Variants in EYA2 observed in about 807,000 individuals in gnomAD.
The protein encoded by EYA2 is EYA transcriptional coactivator and phosphatase 2, also known as protein phosphatase EYA2.
In EYA2, 31 loss-of-function variants were observed where a neutral mutation model predicts 69.2. The observed-to-expected ratio is 0.45, with a 90% CI of 0.34 to 0.60. The LOEUF (loss-of-function observed/expected upper bound fraction) is 0.60, where lower values mean the gene tolerates loss of function less well. EYA2 is among the 20% of genes least tolerant of loss of function. The pLI is 0.02. For missense variants in EYA2, 622 were observed against 701.2 expected (o/e 0.89, Z 1.28); for synonymous variants, 257 against 279.4 (o/e 0.92, Z 0.80).
chr20:47,077,160 A>G (rs1236400558), intron 7 of EYA2, among the ~76,000 whole-genome samples: 1 of 152,230 alleles, frequency 6.6e-6, no homozygotes, highest in Non-Finnish European at 1.5e-5. Flanking sequence ...ACAATGGGTG[A>G]GCAAAAACAA....
chr20:47,047,036 T>C (rs1448836458), intron 5 of EYA2, among the ~76,000 whole-genome samples: 1 of 152,258 alleles, frequency 6.6e-6, no homozygotes, highest in Non-Finnish European at 1.5e-5. Context: ...GGCAACTTGC[T>C]CATTTTCTAA....
At position 47,122,710 on chromosome 20, in the gene EYA2, A is replaced by G. The variant is rs76167376; in HGVS notation, c.889-20349A>G. 7.9e-5 allele frequency among the ~76,000 whole-genome samples: 12 copies of G among 152,164 alleles called. No individual in the cohort carries two copies. In the East Asian group the frequency reaches 2.3e-3, roughly 29 times the overall value. ...GAGCAGAGGTCAGCAAACTACATCC[A>G]TCCTATGGGCCAAATCTGCTCCCTC... is the stretch of plus-strand genomic sequence containing the variant. On this transcript the variant is annotated intron_variant, in intron 9 of 15. Transcript: ENST00000327619.
Position 47,163,437 on chromosome 20 carries a change from G to A in EYA2, c.979-5702G>A, listed in dbSNP as rs544587971. On this transcript the variant is annotated intron_variant, in intron 10 of 15. Coordinates refer to ENST00000327619, the MANE Select transcript of EYA2 (RefSeq NM_005244.5). ...CTCCTTGGCTTGGGACGTGGCTCAC[G>A]CCTGTAATCCCCGCACTTTGGGAGT... Among the ~76,000 whole-genome samples, 13 of 152,156 alleles carry A rather than the reference G, an allele frequency of 8.5e-5. No homozygotes were observed. In the South Asian group the frequency reaches 1.4e-3, roughly 17 times the overall value.
At chr20:47,051,738 C>A (rs541956712) in intron 5 of EYA2, among the ~76,000 whole-genome samples, 12 of 152,314 alleles carry the variant, frequency 7.9e-5, no homozygotes, top group Admixed American at 7.2e-4. Flanking sequence ...ATGTCAGCTC[C>A]ACAGAGGCAG....
chr20:47,183,186 C>T, intron 14 of EYA2, 105 bp from the exon 15 acceptor site: 1 of 973,794 alleles, frequency 1.0e-6, no homozygotes, highest in Admixed American at 2.1e-5. Context: ...GAATACCGGG[C>T]CTTTGGGAGC....
chr20:47,002,922 G>A (rs1025682530), intron 3 of EYA2, among the ~76,000 whole-genome samples: 5 of 152,222 alleles, frequency 3.3e-5, no homozygotes, highest in African/African-American at 1.2e-4. Context: ...AGAAAGAAGG[G>A]CATAGGGACA....
At chr20:46,989,107 G>T (rs2146326614) in intron 1 of EYA2, among the ~76,000 whole-genome samples, 1 of 152,094 alleles carries the variant, frequency 6.6e-6, no homozygotes, top group East Asian at 1.9e-4. Context: ...ACTCTCCCCT[G>T]CCCGCCCCCC....
At chr20:47,043,950 CCAAA>C (rs1436074054) in intron 5 of EYA2, among the ~76,000 whole-genome samples, 5 of 152,118 alleles carry the variant, frequency 3.3e-5, no homozygotes, top group African/African-American at 9.7e-5. Context: ...GTGTTTGGAT[CCAAA>C]CAAAGTTGTC....
In EYA2 at chr20:47,180,907, T is replaced by C; in HGVS notation, c.1406T>C (p.Ile469Thr). The C allele has an allele frequency of 6.2e-7, 1 of 1,614,164 alleles. No individual in the cohort carries two copies. The highest frequency in any genetic ancestry group is 8.5e-7 in the Non-Finnish European group (1 of 1,180,030). The part of the protein sequence containing the change: ...LLYGLGSVFP[I>T]ENIYSATKTG... ...TATGGCCTGGGGTCTGTGTTTCCTA[T>C]TGAGAACATCTACAGTGCAACCAAG... Residue 469 changes from isoleucine to threonine, a missense_variant, in exon 14 of 16, where the codon ATT (isoleucine) becomes ACT (threonine). Coordinates refer to ENST00000327619, the MANE Select transcript of EYA2 (RefSeq NM_005244.5).
At chr20:47,130,087 G>A (rs1284984457) in intron 9 of EYA2, among the ~76,000 whole-genome samples, 1 of 150,250 alleles carries the variant, frequency 6.7e-6, no homozygotes, top group African/African-American at 2.5e-5. Context: ...TGCCTTAGCT[G>A]CCAGTTTTTC....
At chr20:47,023,632 GTTTTTTTTTTTT>G (rs60939329) in intron 5 of EYA2, among the ~76,000 whole-genome samples, 1 of 90,116 alleles carries the variant, frequency 1.1e-5, no homozygotes, top group African/African-American at 4.3e-5. Context: ...GATTTTGGGT[GTTTTTTTTTTTT>G]TTTTTTTTTT....
chr20:47,081,178 T>G (rs927921289), intron 7 of EYA2, among the ~76,000 whole-genome samples: 3 of 152,132 alleles, frequency 2.0e-5, no homozygotes, highest in Non-Finnish European at 4.4e-5. Flanking sequence ...TTTATCATAA[T>G]TCAGTCACCT....
At chr20:47,145,411 G>A (rs926956923) in intron 10 of EYA2, among the ~76,000 whole-genome samples, 2 of 152,166 alleles carry the variant, frequency 1.3e-5, no homozygotes, top group Admixed American at 6.5e-5. Flanking sequence ...CATGGAGGCC[G>A]AAGTGCAGGA....
chr20:46,983,308 A>G (rs762355647), intron 1 of EYA2, among the ~76,000 whole-genome samples: 1 of 152,156 alleles, frequency 6.6e-6, no homozygotes, highest in Non-Finnish European at 1.5e-5. Context: ...ACTCTGGAAG[A>G]TGACATCTCC....
At chr20:46,963,983 C>T (rs557018908) in intron 1 of EYA2, among the ~76,000 whole-genome samples, 1 of 152,326 alleles carries the variant, frequency 6.6e-6, no homozygotes, top group African/African-American at 2.4e-5. Flanking sequence ...GCTCAGACTG[C>T]AGATCTTAAC....
At chr20:47,162,502 C>T (rs547053637) in intron 10 of EYA2, among the ~76,000 whole-genome samples, 15 of 146,010 alleles carry the variant, frequency 1.0e-4, no homozygotes, top group Admixed American at 6.8e-5. Context: ...AAAAGCAGTA[C>T]ATACACACAT....
intron 1 of EYA2, among the ~76,000 whole-genome samples, chr20:46,914,415 A>C (rs1984799173): frequency 6.6e-6 from 1 of 152,158 alleles, no homozygotes; most frequent in Non-Finnish European, 1.5e-5. Context: ...ACTGCCAATA[A>C]AGACATACCC....
rs767641210 is a variant in EYA2, at chr20:47,078,333, A to G, written c.661+3998A>G. ...CATGTGCACGTGCGCGCGCGCGCGC[A>G]CACACACACACACACACACACACAC... On this transcript the variant is annotated intron_variant, in intron 7 of 15. Transcript: ENST00000327619. Among the ~76,000 whole-genome samples the G allele has an allele frequency of 3.8e-3, 286 of 76,106 alleles. 3 individuals are homozygous for G. The highest frequency in any genetic ancestry group is 0.026 in the South Asian group (56 of 2,140). 49.9% of individuals were successfully genotyped at this position (76,106 alleles called of 152,430 possible). A position where few individuals can be genotyped will look rare whatever the true frequency, so the allele number is the denominator to read the frequency against.
At chr20:46,992,010 G>T (rs1455298544) in intron 2 of EYA2, among the ~76,000 whole-genome samples, 1 of 49,074 alleles carries the variant, frequency 2.0e-5, no homozygotes, top group African/African-American at 6.0e-5. Context: ...AGCAACCCTG[G>T]GCCCCCACAT....
Sources: gnomAD v4.1 joint callset for allele counts (sites outside exome capture counted in the v4.1 genomes callset) on GRCh38, gnomAD v4.1.1 for gene constraint, MANE v1.5 for transcripts, NCBI Gene and HGNC (gene_info 2026-07-23, HGNC 2026-07-21) for gene names.